AP1M1: variants seen among roughly 807,000 people sequenced by gnomAD.
The protein encoded by AP1M1 is AP-1 complex subunit mu-1.
Under a neutral mutation model 57.1 loss-of-function variants are expected in AP1M1, and 18 were observed. The observed-to-expected ratio is 0.32, with a 90% confidence interval of 0.22 to 0.47. The LOEUF is 0.47. AP1M1 is among the 20% of genes least tolerant of loss of function. The pLI, the probability that AP1M1 is intolerant of heterozygous loss-of-function variation, is 1.00. For synonymous variants in AP1M1, 241 were observed against 237.9 expected (o/e 1.01, Z -0.12); for missense variants, 362 against 593.5 (o/e 0.61, Z 4.05).
chr19:16,228,538 G>A lies in AP1M1; in HGVS notation c.889-232G>A, dbSNP rs1350002793. 1.3e-5 allele frequency among the ~76,000 whole-genome samples: 2 copies of A among 152,196 alleles called. No homozygotes were observed. Among genetic ancestry groups the A allele is most frequent in the African/African-American group, 4.8e-5 (2 of 41,458 alleles). On this transcript the variant is annotated intron_variant, in intron 8 of 11. Transcript: ENST00000291439. This position sits in a 1 kb window ranked among gnomAD's most constrained non-coding sequence, Gnocchi z 5.0. ...CCTAGGAGGGCAGGGCAGAGGGAGGGATGAGGAGCCTTGGAAGCTGAGCAG... is the reference window on the plus strand; with the variant it reads ...CCTAGGAGGGCAGGGCAGAGGGAGGAATGAGGAGCCTTGGAAGCTGAGCAG...
Position 16,207,932 on chromosome 19 carries a change from A to T in AP1M1, c.268-87A>T. 1 of 1,498,278 alleles carries T rather than the reference A, an allele frequency of 6.7e-7. No individual in the cohort carries two copies. Among genetic ancestry groups the T allele is most frequent in the African/African-American group, 1.4e-5 (1 of 71,906 alleles). 92.8% of individuals were successfully genotyped at this position (1,498,278 alleles called of 1,614,324 possible). A position where few individuals can be genotyped will look rare whatever the true frequency, so the allele number is the denominator to read the frequency against. On this transcript the variant is annotated intron_variant, in intron 3 of 11. Coordinates refer to ENST00000291439, the MANE Select transcript of AP1M1 (RefSeq NM_032493.4). The surrounding 1 kb of genome is among the most constrained non-coding windows in gnomAD (Gnocchi z 4.2). ...GCTGTTGGTAGGACTTAGCGGGCAA[A>T]TGAATGTGTGCAAGCGTTCATTCAT...
intron 5 of AP1M1, among the ~76,000 whole-genome samples, chr19:16,222,827 C>A (rs913658207): frequency 3.3e-5 from 5 of 152,124 alleles, no homozygotes; most frequent in Middle Eastern, 3.2e-3. Flanking sequence ...GTTGCCCAGG[C>A]TAGTCTCGAA....
Position 16,234,404 on chromosome 19 carries a change from G to C in AP1M1, c.1250-9G>C, listed in dbSNP as rs557581215. 1.2e-6 allele frequency: 2 copies of C among 1,613,936 alleles called. No homozygotes were observed. The highest frequency in any genetic ancestry group is 2.7e-5 in the African/African-American group (2 of 75,034). On this transcript the variant is annotated splice_polypyrimidine_tract_variant and intron_variant, in intron 11 of 11. Coordinates refer to ENST00000291439, the MANE Select transcript of AP1M1 (RefSeq NM_032493.4). ...GAGCCCAGCATGACGCCTCCCTCCT[G>C]TCTCCTAGATTACCAGCTCCGGACC...
chr19:16,208,781 A>G, intron 4 of AP1M1: 2 of 408,372 alleles, frequency 4.9e-6, no homozygotes, highest in Admixed American at 3.9e-5. Flanking sequence ...TGGTCCCCCA[A>G]AATGAGCACT....
At chr19:16,232,656 A>G (rs1365383945) in intron 9 of AP1M1, among the ~76,000 whole-genome samples, 4 of 152,122 alleles carry the variant, frequency 2.6e-5, no homozygotes, top group African/African-American at 9.7e-5. Context: ...GAGATGAACC[A>G]CTCGGCCCTG....
Position 16,208,689 on chromosome 19 carries a change from G to A in AP1M1, c.399-341G>A, listed in dbSNP as rs376024327. On this transcript the variant is annotated intron_variant, in intron 4 of 11. Coordinates refer to ENST00000291439, the MANE Select transcript of AP1M1 (RefSeq NM_032493.4). Reference sequence around the variant, plus strand: ...TGGGGTCACCAGGTTACACTCCGAGGCGTCAGTTCCATCCACGTGCTCAGC... The same window carrying A: ...TGGGGTCACCAGGTTACACTCCGAGACGTCAGTTCCATCCACGTGCTCAGC... Among the ~76,000 whole-genome samples the A allele has an allele frequency of 2.0e-5, 3 of 152,184 alleles. No homozygotes were observed. In the South Asian group the frequency reaches 6.2e-4, roughly 31 times the overall value.
chr19:16,232,045 G>A (rs1238091642), intron 9 of AP1M1, among the ~76,000 whole-genome samples: 1 of 152,226 alleles, frequency 6.6e-6, no homozygotes, highest in Admixed American at 6.5e-5. Context: ...ATCTCCTATA[G>A]CACCTGCTTC....
Position 16,206,497 on chromosome 19 carries a change from G to A in AP1M1, c.267+89G>A. On this transcript the variant is annotated intron_variant, in intron 3 of 11. Coordinates refer to ENST00000291439, the MANE Select transcript of AP1M1 (RefSeq NM_032493.4). This position sits in a 1 kb window ranked among gnomAD's most constrained non-coding sequence, Gnocchi z 4.3. ...TCCCCATACCTGGCCACCCTACAGA[G>A]AGCTGTGGCATCCCCAGGGAGCACT... 1 of 1,401,506 alleles carries A rather than the reference G, an allele frequency of 7.1e-7. No individual in the cohort carries two copies. The highest frequency in any genetic ancestry group is 1.0e-6 in the Non-Finnish European group (1 of 994,518). 86.8% of individuals were successfully genotyped at this position (1,401,506 alleles called of 1,614,324 possible).
chr19:16,204,710 T>C (rs997861274), intron 2 of AP1M1, among the ~76,000 whole-genome samples: 2 of 152,190 alleles, frequency 1.3e-5, no homozygotes, highest in Non-Finnish European at 2.9e-5. Flanking sequence ...TTGTTCCTGG[T>C]GGCCGGTGTG....
chr19:16,199,087 T>A (rs610330), intron 1 of AP1M1, among the ~76,000 whole-genome samples: 1 of 152,212 alleles, frequency 6.6e-6, no homozygotes, highest in African/African-American at 2.4e-5. Context: ...GGATTACAGG[T>A]GTGAGTCATG....
chr19:16,202,715 G>A (rs2091453859), intron 1 of AP1M1, among the ~76,000 whole-genome samples: 1 of 152,214 alleles, frequency 6.6e-6, no homozygotes, highest in South Asian at 2.1e-4. Flanking sequence ...GATACAGTTT[G>A]TTTCTAGTTC....
chr19:16,231,260 C>T (rs544401040), intron 9 of AP1M1, among the ~76,000 whole-genome samples: 16 of 143,672 alleles, frequency 1.1e-4, no homozygotes, highest in Non-Finnish European at 1.8e-4. Flanking sequence ...TGCACTCCAG[C>T]CTGGGCAACA....
chr19:16,214,691 C>A (rs7260082), intron 5 of AP1M1, among the ~76,000 whole-genome samples: 102,714 of 151,854 alleles, frequency 0.68, 36,370 homozygotes, highest in Non-Finnish European at 0.8. Context: ...AGCTCTTGTA[C>A]AGCAGGTCTG....
At chr19:16,208,978 G>C in intron 4 of AP1M1, 52 bp from the exon 5 acceptor site, 1 of 1,578,862 alleles carries the variant, frequency 6.3e-7, no homozygotes, top group Non-Finnish European at 8.6e-7. Context: ...GCCAGAAGCT[G>C]TGGCGTTGGT....
At position 16,203,256 on chromosome 19, in the gene AP1M1, CATT is replaced by C. The variant is rs2091455980; in HGVS notation, c.43-202_43-200del. ...GAAGAACTGCAGTGGCCCCTGTGGG[CATT>C]CACACTGGGAGATGCTCTTCTCCAG... On this transcript the variant is annotated intron_variant, in intron 1 of 11. Coordinates refer to ENST00000291439, the MANE Select transcript of AP1M1 (RefSeq NM_032493.4). This position sits in a 1 kb window ranked among gnomAD's most constrained non-coding sequence, Gnocchi z 4.6. Among the ~76,000 whole-genome samples, 2 of 152,240 alleles carry C rather than the reference CATT, an allele frequency of 1.3e-5. No homozygotes were observed. The highest frequency in any genetic ancestry group is 4.8e-5 in the African/African-American group (2 of 41,458).
rs1228647312 is a variant in AP1M1, at chr19:16,203,277, T to A, written c.43-182T>A. On this transcript the variant is annotated intron_variant, in intron 1 of 11. Coordinates refer to ENST00000291439, the MANE Select transcript of AP1M1 (RefSeq NM_032493.4). This position sits in a 1 kb window ranked among gnomAD's most constrained non-coding sequence, Gnocchi z 4.6. ...TGGGCATTCACACTGGGAGATGCTC[T>A]TCTCCAGGAATTCCCTGGGGGATGG... Among the ~76,000 whole-genome samples the A allele has an allele frequency of 6.6e-6, 1 of 152,218 alleles. No homozygotes were observed. The highest frequency in any genetic ancestry group is 1.5e-5 in the Non-Finnish European group (1 of 68,038).
At chr19:16,216,394 G>A (rs987549018) in intron 5 of AP1M1, among the ~76,000 whole-genome samples, 6 of 151,578 alleles carry the variant, frequency 4.0e-5, no homozygotes, top group East Asian at 1.9e-4. Flanking sequence ...GCAGTGAGCC[G>A]AGATTGCACC....
Position 16,234,765 on chromosome 19 carries a change from T to C in AP1M1, c.*330T>C. ...AGGTACCAAAAAGCTTGGCCAACGC[T>C]TGCCAGCCAGCCAGCTGCAGGTGGC... is the stretch of plus-strand genomic sequence containing the variant. On this transcript the variant is annotated 3_prime_UTR_variant, in exon 12 of 12. Coordinates refer to ENST00000291439, the MANE Select transcript of AP1M1 (RefSeq NM_032493.4). The C allele has an allele frequency of 2.4e-6, 1 of 416,670 alleles. No homozygotes were observed. Among genetic ancestry groups the C allele is most frequent in the Non-Finnish European group, 4.4e-6 (1 of 229,492 alleles). The allele number at this position is 416,670 out of a possible 1,614,324, so 25.8% of individuals were successfully genotyped here.
intron 5 of AP1M1, among the ~76,000 whole-genome samples, chr19:16,219,390 G>GGT (rs1555724749): frequency 2.5e-4 from 19 of 76,028 alleles, no homozygotes; most frequent in Non-Finnish European, 4.5e-4. Flanking sequence ...ATTCATTTTT[G>GGT]TTTTTTTGTT....
Sources: gnomAD v4.1 joint callset for allele counts (sites outside exome capture counted in the v4.1 genomes callset) on GRCh38, gnomAD v4.1.1 for gene constraint, Gnocchi (gnomAD v3.1) non-coding constraint, MANE v1.5 for transcripts, NCBI Gene and HGNC (gene_info 2026-07-23, HGNC 2026-07-21) for gene names.